MAPKAPK2: variants seen among roughly 807,000 people sequenced by gnomAD.
MAPKAPK2 encodes the protein MAP kinase-activated protein kinase 2.
A neutral mutation model predicts 48.8 loss-of-function variants in MAPKAPK2; 9 were observed. The observed-to-expected ratio is 0.18, with a 90% CI of 0.11 to 0.32. The LOEUF (loss-of-function observed/expected upper bound fraction) is 0.32, where lower values mean the gene tolerates loss of function less well. Among genes scored for constraint, MAPKAPK2 ranks in the 10% least tolerant of loss-of-function variants. The pLI is 1.00. For missense variants in MAPKAPK2, 331 were observed against 498.3 expected (o/e 0.66, Z 3.20); for synonymous variants, 202 against 190.6 (o/e 1.06, Z -0.49).
intron 1 of MAPKAPK2, among the ~76,000 whole-genome samples, chr1:206,691,090 C>T (rs543755670): frequency 6.6e-6 from 1 of 152,316 alleles, no homozygotes; most frequent in South Asian, 2.1e-4. Context: ...ACTTAGAACC[C>T]ACACTCCCTG....
chr1:206,704,212 A>ATTC lies in MAPKAPK2; in HGVS notation c.279+18704_279+18705insTTC, dbSNP rs547613769. 3.3e-3 allele frequency among the ~76,000 whole-genome samples: 505 copies of ATTC among 152,246 alleles called. 1 individual carries two copies. The highest frequency in any genetic ancestry group is 0.012 in the African/African-American group (493 of 41,476). ...ATCTGAGATATGTCATTTGAATATGAACGCACTAGACTTTCTGGGAAATGT... is the reference window on the plus strand; with the variant it reads ...ATCTGAGATATGTCATTTGAATATGATTCACGCACTAGACTTTCTGGGAAATGT... On this transcript the variant is annotated intron_variant, in intron 1 of 9. Transcript: ENST00000367103. This position sits in a 1 kb window ranked among gnomAD's most constrained non-coding sequence, Gnocchi z 4.3.
chr1:206,710,387 C>T (rs1424343556), intron 1 of MAPKAPK2, among the ~76,000 whole-genome samples: 14 of 152,230 alleles, frequency 9.2e-5, no homozygotes, highest in Non-Finnish European at 1.9e-4. Flanking sequence ...TGTTGCCTCC[C>T]TGTCTCCTAG....
intron 1 of MAPKAPK2, among the ~76,000 whole-genome samples, chr1:206,722,877 C>T (rs946125887): frequency 3.3e-5 from 5 of 152,352 alleles, no homozygotes; most frequent in East Asian, 3.9e-4. Context: ...GCAGCAGAGG[C>T]GCCGGTGGTC....
chr1:206,729,272 G>T (rs977413156), intron 3 of MAPKAPK2, 124 bp from the exon 4 acceptor site: 2 of 1,081,476 alleles, frequency 1.8e-6, no homozygotes, highest in Non-Finnish European at 1.4e-6. Context: ...TTGTTTCTGG[G>T]GTGGGTGGTG....
chr1:206,728,558 C>A, intron 1 of MAPKAPK2, 152 bp from the exon 2 acceptor site: 1 of 739,756 alleles, frequency 1.4e-6, no homozygotes, highest in Non-Finnish European at 2.2e-6. Context: ...ACTGCAGAGG[C>A]CTCAGGAAAT....
At chr1:206,725,196 C>T (rs1316916287) in intron 1 of MAPKAPK2, among the ~76,000 whole-genome samples, 1 of 152,216 alleles carries the variant, frequency 6.6e-6, no homozygotes, top group African/African-American at 2.4e-5. Flanking sequence ...GCCACGCACT[C>T]CTAACGTGTT....
intron 1 of MAPKAPK2, among the ~76,000 whole-genome samples, chr1:206,707,092 C>T (rs1553428696): frequency 2.0e-5 from 3 of 152,142 alleles, no homozygotes; most frequent in African/African-American, 7.2e-5. Context: ...TCTTGTTGGG[C>T]CTCCACTTCC....
chr1:206,720,451 A>C (rs1673478710), intron 1 of MAPKAPK2, among the ~76,000 whole-genome samples: 1 of 152,152 alleles, frequency 6.6e-6, no homozygotes, highest in Non-Finnish European at 1.5e-5. Flanking sequence ...TCCTGGGTTC[A>C]AGTGATTTTC....
chr1:206,724,540 T>C (rs1673644431), intron 1 of MAPKAPK2, among the ~76,000 whole-genome samples: 1 of 148,554 alleles, frequency 6.7e-6, no homozygotes, highest in Admixed American at 6.9e-5. Context: ...TGGATGTCAA[T>C]GACCAGTCCT....
intron 1 of MAPKAPK2, among the ~76,000 whole-genome samples, chr1:206,712,086 A>G (rs1182644925): frequency 1.3e-5 from 2 of 152,246 alleles, no homozygotes; most frequent in Non-Finnish European, 2.9e-5. Flanking sequence ...GGCAGCTACT[A>G]AGCTTTAGAG....
intron 1 of MAPKAPK2, among the ~76,000 whole-genome samples, chr1:206,723,353 T>A (rs1206073832): frequency 6.6e-6 from 1 of 152,164 alleles, no homozygotes; most frequent in African/African-American, 2.4e-5. Flanking sequence ...ACTTATTACG[T>A]GCCAAGCGTT....
At chr1:206,730,229 C>T in intron 5 of MAPKAPK2, 131 bp downstream of exon 5, 1 of 1,089,400 alleles carries the variant, frequency 9.2e-7, no homozygotes, top group Non-Finnish European at 1.3e-6. Context: ...GCTGGTTCTG[C>T]TGGGACCTGC....
chr1:206,713,946 G>C (rs1429244350), intron 1 of MAPKAPK2, among the ~76,000 whole-genome samples: 1 of 152,166 alleles, frequency 6.6e-6, no homozygotes, highest in South Asian at 2.1e-4. Flanking sequence ...ATGGATTTGG[G>C]AGATCTTCCC....
chr1:206,703,461 G>A (rs10863788), intron 1 of MAPKAPK2, among the ~76,000 whole-genome samples: 44,006 of 151,726 alleles, frequency 0.29, 6,992 homozygotes, highest in Non-Finnish European at 0.36. Flanking sequence ...TCTGGAATGG[G>A]GCTGGGGCTG....
At chr1:206,686,600 G>GAGA (rs1553425635) in intron 1 of MAPKAPK2, among the ~76,000 whole-genome samples, 1 of 152,122 alleles carries the variant, frequency 6.6e-6, no homozygotes, top group African/African-American at 2.4e-5. Flanking sequence ...ATTGGAGGAG[G>GAGA]AGAAAAATAC....
chr1:206,698,553 G>C (rs1166401963), intron 1 of MAPKAPK2, among the ~76,000 whole-genome samples: 1 of 152,212 alleles, frequency 6.6e-6, no homozygotes, highest in Non-Finnish European at 1.5e-5. Flanking sequence ...ATCACTGTAG[G>C]AAACTTAGCA....
At chr1:206,727,072 A>T (rs1361017275) in intron 1 of MAPKAPK2, among the ~76,000 whole-genome samples, 1 of 152,118 alleles carries the variant, frequency 6.6e-6, no homozygotes, top group Non-Finnish European at 1.5e-5. Context: ...TGGACACCCC[A>T]GCCCTCTGAA....
In MAPKAPK2 at chr1:206,731,633, C is replaced by A; in HGVS notation, c.893-7C>A. Reference sequence around the variant, plus strand: ...GAGCTGTCACTGCCCCCTGTCCCACCCCACAGTGAAGATGCTCATTCGGAA... The same window carrying A: ...GAGCTGTCACTGCCCCCTGTCCCACACCACAGTGAAGATGCTCATTCGGAA... On this transcript the variant is annotated splice_polypyrimidine_tract_variant and splice_region_variant and intron_variant, in intron 7 of 9. Coordinates refer to ENST00000367103, the MANE Select transcript of MAPKAPK2 (RefSeq NM_032960.4). This position sits in a 1 kb window ranked among gnomAD's most constrained non-coding sequence, Gnocchi z 5.9. The A allele has an allele frequency of 6.2e-7, 1 of 1,611,908 alleles. No homozygotes were observed. Among genetic ancestry groups the A allele is most frequent in the Non-Finnish European group, 8.5e-7 (1 of 1,177,986 alleles).
chr1:206,695,623 C>T (rs1216971832), intron 1 of MAPKAPK2, among the ~76,000 whole-genome samples: 2 of 151,984 alleles, frequency 1.3e-5, no homozygotes, highest in East Asian at 1.9e-4. Flanking sequence ...CTACCTTTTC[C>T]ACCCTGCACA....
Sources: allele counts gnomAD v4.1 joint callset (sites outside exome capture counted in the v4.1 genomes callset), GRCh38; gene constraint gnomAD v4.1.1; non-coding constraint Gnocchi (gnomAD v3.1); transcripts MANE v1.5; gene names NCBI Gene and HGNC (gene_info 2026-07-23, HGNC 2026-07-21).